The following DLGAP1 variants were observed in gnomAD, a reference collection of about 807,000 sequenced individuals.
DLGAP1 encodes DLG associated protein 1.
A neutral mutation model predicts 90.8 loss-of-function variants in DLGAP1; 11 were observed. The ratio of observed to expected loss-of-function variants is 0.12; its 90% CI spans 0.08 to 0.20. The LOEUF (loss-of-function observed/expected upper bound fraction) is 0.20, where lower values mean the gene tolerates loss of function less well. Ranked by LOEUF, DLGAP1 falls within the 10% of genes least tolerant of loss-of-function variation. DLGAP1 has a pLI of 1.00. For missense variants in DLGAP1, 1,050 were observed against 1,333.8 expected (o/e 0.79, Z 3.31); for synonymous variants, 558 against 540.7 (o/e 1.03, Z -0.44).
At chr18:3,790,887 G>C (rs976600545) in intron 5 of DLGAP1, among the ~76,000 whole-genome samples, 1 of 152,156 alleles carries the variant, frequency 6.6e-6, no homozygotes, top group Non-Finnish European at 1.5e-5. Flanking sequence ...TGCTTCTCTA[G>C]GAGGCCCCTG....
intron 2 of DLGAP1, among the ~76,000 whole-genome samples, chr18:4,030,331 A>T (rs2074775234): frequency 6.6e-6 from 1 of 152,232 alleles, no homozygotes. Context: ...CTCAATAAAT[A>T]CTTGTTAAGA....
intron 2 of DLGAP1, among the ~76,000 whole-genome samples, chr18:4,132,981 G>C (rs1012668578): frequency 1.3e-5 from 2 of 152,184 alleles, no homozygotes; most frequent in Non-Finnish European, 2.9e-5. Flanking sequence ...ATCTAGAGAG[G>C]CAAGTCACAT....
At chr18:3,833,130 A>C (rs2068125884) in intron 4 of DLGAP1, among the ~76,000 whole-genome samples, 2 of 107,402 alleles carry the variant, frequency 1.9e-5, no homozygotes, top group Non-Finnish European at 3.8e-5. Flanking sequence ...GAATTATAAG[A>C]TTCCTTCCTT....
At chr18:4,133,109 C>A (rs1029282986) in intron 2 of DLGAP1, among the ~76,000 whole-genome samples, 19 of 152,132 alleles carry the variant, frequency 1.2e-4, no homozygotes, top group African/African-American at 4.3e-4. Flanking sequence ...ACACCCTAAG[C>A]GCTTTGAGTA....
intron 9 of DLGAP1, among the ~76,000 whole-genome samples, chr18:3,535,479 G>T (rs1370392696): frequency 6.6e-6 from 1 of 151,686 alleles, no homozygotes; most frequent in African/African-American, 2.4e-5. Context: ...AGGCTGAGGC[G>T]GGCGGATCAC....
At chr18:3,944,875 CCTAG>C (rs1408379990) in intron 3 of DLGAP1, among the ~76,000 whole-genome samples, 1 of 152,136 alleles carries the variant, frequency 6.6e-6, no homozygotes, top group African/African-American at 2.4e-5. Flanking sequence ...GAGATTGGAA[CCTAG>C]CCATGGTATC....
At chr18:3,639,509 A>G (rs1186943275) in intron 7 of DLGAP1, among the ~76,000 whole-genome samples, 1 of 152,188 alleles carries the variant, frequency 6.6e-6, no homozygotes, top group African/African-American at 2.4e-5. Flanking sequence ...TGGAGATAGC[A>G]CAGGGCATTG....
chr18:3,957,654 T>C (rs900887383), intron 3 of DLGAP1, among the ~76,000 whole-genome samples: 5 of 152,224 alleles, frequency 3.3e-5, no homozygotes, highest in African/African-American at 9.6e-5. Context: ...TTCAAGATTA[T>C]TTTATTACTT....
rs116964461 is a variant in DLGAP1 at position 4,334,678 on chromosome 18, C to T, written c.-267+120328G>A. On this transcript the variant is annotated intron_variant, in intron 1 of 12. Coordinates refer to ENST00000315677, the MANE Select transcript of DLGAP1 (RefSeq NM_004746.4). ...AAATGCAAGAGAGAGGAGAGGTTTC[C>T]GATCTTCTTAGGGCAGGGTGGGAAG... Among the ~76,000 whole-genome samples the T allele has an allele frequency of 4.6e-5, 7 of 151,948 alleles. No individual in the cohort carries two copies. In the South Asian group the frequency reaches 6.2e-4, roughly 14 times the overall value.
intron 11 of DLGAP1, 103 bp downstream of exon 11, chr18:3,508,467 T>G: frequency 2.9e-6 from 2 of 686,918 alleles, no homozygotes; most frequent in Non-Finnish European, 4.6e-6. Context: ...CCAATGGACC[T>G]TGACTTGGTT....
At chr18:3,677,960 G>GTTTTTTT (rs71160908) in intron 7 of DLGAP1, among the ~76,000 whole-genome samples, 106 of 81,194 alleles carry the variant, frequency 1.3e-3, no homozygotes, top group African/African-American at 4.1e-3. Flanking sequence ...TGCCCGGTGG[G>GTTTTTTT]TTTTTTTTTT....
intron 1 of DLGAP1, among the ~76,000 whole-genome samples, chr18:4,275,039 T>C (rs1362594296): frequency 2.0e-5 from 3 of 152,222 alleles, no homozygotes; most frequent in East Asian, 1.9e-4. Flanking sequence ...TGAATTAATA[T>C]GGGAATATAT....
intron 5 of DLGAP1, among the ~76,000 whole-genome samples, chr18:3,799,751 T>C (rs2066198966): frequency 6.6e-6 from 1 of 151,970 alleles, no homozygotes; most frequent in East Asian, 1.9e-4. Context: ...AGTTAATGGA[T>C]TTACCTAATT....
chr18:3,602,370 C>T (rs1328977982), intron 7 of DLGAP1, among the ~76,000 whole-genome samples: 1 of 152,154 alleles, frequency 6.6e-6, no homozygotes, highest in Non-Finnish European at 1.5e-5. Flanking sequence ...CCGAGGCGGG[C>T]GGATCACGAG....
intron 1 of DLGAP1, among the ~76,000 whole-genome samples, chr18:4,263,811 A>G (rs546292413): frequency 6.6e-6 from 1 of 152,286 alleles, no homozygotes; most frequent in South Asian, 2.1e-4. Flanking sequence ...TTTTTCTTTT[A>G]GATAGATTTC....
chr18:3,584,131 A>G (rs2055736945), intron 7 of DLGAP1, among the ~76,000 whole-genome samples: 1 of 152,236 alleles, frequency 6.6e-6, no homozygotes, highest in African/African-American at 2.4e-5. Flanking sequence ...TTTGTAAAGC[A>G]TGATTTAAGA....
chr18:3,676,970 C>T (rs2060327292), intron 7 of DLGAP1, among the ~76,000 whole-genome samples: 1 of 152,094 alleles, frequency 6.6e-6, no homozygotes, highest in Non-Finnish European at 1.5e-5. Flanking sequence ...GTTGCCACCA[C>T]CCTTTAAACT....
chr18:3,897,943 C>A (rs372216153), intron 3 of DLGAP1, among the ~76,000 whole-genome samples: 5 of 151,550 alleles, frequency 3.3e-5, no homozygotes, highest in East Asian at 2.0e-4. Context: ...TACAGGCGCC[C>A]GCCACCGCGC....
intron 1 of DLGAP1, among the ~76,000 whole-genome samples, chr18:4,380,198 T>G (rs1037405211): frequency 3.3e-5 from 5 of 152,170 alleles, no homozygotes; most frequent in Non-Finnish European, 5.9e-5. Flanking sequence ...AAACATACAC[T>G]TCTTGATGAT....
Sources: gnomAD v4.1 joint callset for allele counts (sites outside exome capture counted in the v4.1 genomes callset) on GRCh38, gnomAD v4.1.1 for gene constraint, MANE v1.5 for transcripts, NCBI Gene and HGNC (gene_info 2026-07-23, HGNC 2026-07-21) for gene names.